Variants in GALNT17 observed in about 807,000 individuals in gnomAD.
GALNT17 encodes polypeptide N-acetylgalactosaminyltransferase 17.
In GALNT17, 29 loss-of-function variants were observed where a neutral mutation model predicts 63.7. The observed-to-expected ratio is 0.46, with a 90% CI of 0.34 to 0.62. The LOEUF (loss-of-function observed/expected upper bound fraction) is 0.62, where lower values mean the gene tolerates loss of function less well. Ranked by LOEUF, GALNT17 falls within the 20% of genes least tolerant of loss-of-function variation. The probability of loss-of-function intolerance (pLI) is 0.01; values close to 1 mark genes in which losing one functional copy is unlikely to be tolerated. For synonymous variants in GALNT17, 305 were observed against 318.3 expected, an observed-to-expected ratio of 0.96 and a Z score of 0.45; for missense variants, 603 against 799.6, an observed-to-expected ratio of 0.75 and a Z score of 2.97.
At chr7:71,324,807 C>A (rs1366613625) in intron 1 of GALNT17, among the ~76,000 whole-genome samples, 2 of 151,974 alleles carry the variant, frequency 1.3e-5, no homozygotes, top group Admixed American at 1.3e-4. Context: ...ATACATATAG[C>A]ACACATATTT....
At chr7:71,586,776 G>C (rs1229226298) in intron 6 of GALNT17, among the ~76,000 whole-genome samples, 1 of 151,584 alleles carries the variant, frequency 6.6e-6, no homozygotes, top group Non-Finnish European at 1.5e-5. Context: ...GGGTACATGT[G>C]ATAATTTAAT....
intron 6 of GALNT17, among the ~76,000 whole-genome samples, chr7:71,581,515 G>A (rs1444299580): frequency 6.6e-6 from 1 of 151,972 alleles, no homozygotes; most frequent in Non-Finnish European, 1.5e-5. Flanking sequence ...GAACAGCATG[G>A]GGGAAACCAA....
chr7:71,505,980 G>T (rs1249008112), intron 5 of GALNT17, among the ~76,000 whole-genome samples: 2 of 151,264 alleles, frequency 1.3e-5, no homozygotes, highest in Non-Finnish European at 2.9e-5. Context: ...CTCTTTCTCT[G>T]CCTCTTGGCT....
chr7:71,589,936 A>G (rs1018937458), intron 6 of GALNT17, among the ~76,000 whole-genome samples: 1 of 152,216 alleles, frequency 6.6e-6, no homozygotes, highest in Non-Finnish European at 1.5e-5. Flanking sequence ...GGTAGGTGCT[A>G]TGGATGATGC....
chr7:71,451,510 C>T (rs1254728531), intron 5 of GALNT17, among the ~76,000 whole-genome samples: 7 of 152,166 alleles, frequency 4.6e-5, no homozygotes, highest in East Asian at 1.9e-4. Flanking sequence ...ATCCTTTCGA[C>T]GAACTAACTC....
rs1373143480 is a variant in GALNT17, at chr7:71,712,741, T to C, written c.*595T>C. On this transcript the variant is annotated 3_prime_UTR_variant, in exon 11 of 11. Coordinates refer to ENST00000333538, the MANE Select transcript of GALNT17 (RefSeq NM_022479.3). ...TGGGCACTGCAGCTCTGGACTTTTC[T>C]GGCCCCTCCTGAGATGACCTGATGG... 1 of 153,232 alleles carries C rather than the reference T, an allele frequency of 6.5e-6. No homozygotes were observed. Among genetic ancestry groups the C allele is most frequent in the African/African-American group, 2.4e-5 (1 of 41,492 alleles). The allele number at this position is 153,232 out of a possible 1,614,324, so 9.5% of individuals were successfully genotyped here. A position where few individuals can be genotyped will look rare whatever the true frequency, so the allele number is the denominator to read the frequency against.
At chr7:71,330,964 C>T (rs1791797992) in intron 1 of GALNT17, among the ~76,000 whole-genome samples, 1 of 152,134 alleles carries the variant, frequency 6.6e-6, no homozygotes, top group Non-Finnish European at 1.5e-5. Context: ...GCCTGCTTGT[C>T]CTGATGGCAG....
At chr7:71,669,855 C>T (rs1791041672) in intron 7 of GALNT17, 117 bp from the exon 8 acceptor site, 1 of 1,364,980 alleles carries the variant, frequency 7.3e-7, no homozygotes, top group Admixed American at 2.4e-5. Context: ...GCCACCGTGC[C>T]CAGCCCAGGC....
chr7:71,664,035 GT>G (rs35903054), intron 6 of GALNT17, among the ~76,000 whole-genome samples: 3,735 of 142,338 alleles, frequency 0.026, 124 homozygotes, highest in African/African-American at 0.081. Context: ...TTACAATAAG[GT>G]TTTTTTTTTT....
chr7:71,637,653 G>A (rs1790546899), intron 6 of GALNT17, among the ~76,000 whole-genome samples: 1 of 152,148 alleles, frequency 6.6e-6, no homozygotes, highest in Non-Finnish European at 1.5e-5. Context: ...TTGCCAGGGA[G>A]GGTGAGGGTC....
At chr7:71,447,597 A>C (rs1432655173) in intron 5 of GALNT17, among the ~76,000 whole-genome samples, 1 of 152,192 alleles carries the variant, frequency 6.6e-6, no homozygotes, top group Non-Finnish European at 1.5e-5. Flanking sequence ...GCAACCCCAG[A>C]ATAGCTGAAT....
chr7:71,512,564 C>T (rs1377266309), intron 5 of GALNT17, among the ~76,000 whole-genome samples: 2 of 152,224 alleles, frequency 1.3e-5, no homozygotes, highest in Admixed American at 1.3e-4. Context: ...AAGACGGCAA[C>T]GTTGCTTCTC....
chr7:71,256,599 C>CA (rs1234495345), intron 1 of GALNT17, among the ~76,000 whole-genome samples: 3 of 150,398 alleles, frequency 2.0e-5, no homozygotes, highest in Admixed American at 1.3e-4. Flanking sequence ...AAACCAAAAA[C>CA]AAAAAAACAA....
At chr7:71,359,941 C>T (rs1583887955) in intron 2 of GALNT17, among the ~76,000 whole-genome samples, 1 of 152,230 alleles carries the variant, frequency 6.6e-6, no homozygotes, top group East Asian at 1.9e-4. Flanking sequence ...GTGGTCTCCA[C>T]GATCTCCCCA....
intron 5 of GALNT17, among the ~76,000 whole-genome samples, chr7:71,520,052 G>GAGGC (rs1788505279): frequency 6.6e-6 from 1 of 152,114 alleles, no homozygotes; most frequent in Admixed American, 6.6e-5. Flanking sequence ...AAACCAGCAA[G>GAGGC]AGGCAGTCCC....
At chr7:71,388,017 G>A (rs182905340) in intron 2 of GALNT17, among the ~76,000 whole-genome samples, 1 of 152,140 alleles carries the variant, frequency 6.6e-6, no homozygotes, top group East Asian at 1.9e-4. Context: ...CCACCTGTAG[G>A]GTGGTGAATC....
intron 5 of GALNT17, among the ~76,000 whole-genome samples, chr7:71,456,533 T>G (rs1438224267): frequency 6.6e-6 from 1 of 151,990 alleles, no homozygotes; most frequent in Non-Finnish European, 1.5e-5. Flanking sequence ...CTGGCCAACA[T>G]AGTGAAACCC....
chr7:71,506,968 C>T (rs1003431749), intron 5 of GALNT17, among the ~76,000 whole-genome samples: 1 of 152,224 alleles, frequency 6.6e-6, no homozygotes, highest in African/African-American at 2.4e-5. Context: ...GGTGCAGAGG[C>T]TCACGCCTAT....
chr7:71,608,894 T>C (rs1790084242), intron 6 of GALNT17, among the ~76,000 whole-genome samples: 1 of 151,882 alleles, frequency 6.6e-6, no homozygotes, highest in Non-Finnish European at 1.5e-5. Flanking sequence ...TCCTCCCACC[T>C]CAGCCTCCCA....
Sources: gnomAD v4.1 joint callset for allele counts (sites outside exome capture counted in the v4.1 genomes callset) on GRCh38, gnomAD v4.1.1 for gene constraint, MANE v1.5 for transcripts, NCBI Gene and HGNC (gene_info 2026-07-23, HGNC 2026-07-21) for gene names.